Variants in C19orf53 observed in about 807,000 individuals in gnomAD.
C19orf53 encodes leydig cell tumor 10 kDa protein homolog.
In C19orf53, 9 loss-of-function variants were observed where a neutral mutation model predicts 6.5. That is an observed-to-expected ratio of 1.38 (90% CI 0.83 to 2.40). The LOEUF (loss-of-function observed/expected upper bound fraction) is 2.40, where lower values mean the gene tolerates loss of function less well. Among genes scored for constraint, C19orf53 ranks in the 30% most tolerant of loss-of-function variants. C19orf53 has a pLI of 0.00. For missense variants in C19orf53, 166 were observed against 129.7 expected (o/e 1.28, Z -1.36); for synonymous variants, 68 against 52.5 (o/e 1.29, Z -1.27).
chr19:13,774,758 G>C (rs1402706842), intron 2 of C19orf53, 51 bp downstream of exon 2: 31 of 1,558,582 alleles, frequency 2.0e-5, no homozygotes, highest in Non-Finnish European at 2.7e-5. Context: ...AGCGAGGGGT[G>C]GAACCCGGAG....
Position 13,774,481 on chromosome 19 carries a change from G to T in C19orf53, c.4G>T (p.Ala2Ser), listed in dbSNP as rs765333714. The T allele has an allele frequency of 3.1e-6, 5 of 1,604,000 alleles. No homozygotes were observed. In the African/African-American group the frequency reaches 4.0e-5, roughly 13 times the overall value. Residue 2 changes from alanine to serine, a missense_variant, in exon 1 of 3, where the codon GCG becomes TCG. Coordinates refer to ENST00000588234, the MANE Select transcript of C19orf53 (RefSeq NM_014047.3). The part of the protein sequence containing the change: M[A>S]QGQRKFQAHK... ...CTCTTCCGCTGCGTGCCGGACCATGGCGCAGGGGCAGCGCAAGTTTCAGGC... is the reference window on the plus strand; with the variant it reads ...CTCTTCCGCTGCGTGCCGGACCATGTCGCAGGGGCAGCGCAAGTTTCAGGC...
Position 13,778,227 on chromosome 19 carries a change from C to T in C19orf53, c.*29C>T. ...CGCTGGCCCCAGTGCAGGCCAACAT[C>T]CCACCCCCTACCTCCATATGGGACC... On this transcript the variant is annotated 3_prime_UTR_variant, in exon 3 of 3. Transcript: ENST00000588234. 1.9e-6 allele frequency: 3 copies of T among 1,552,660 alleles called. No individual in the cohort carries two copies. The highest frequency in any genetic ancestry group is 2.6e-6 in the Non-Finnish European group (3 of 1,146,054).
chr19:13,774,999 C>T, intron 2 of C19orf53: 2 of 532,756 alleles, frequency 3.8e-6, no homozygotes, highest in East Asian at 5.7e-5. Flanking sequence ...GCACAGGGAT[C>T]GGCAAAGGGC....
intron 2 of C19orf53, among the ~76,000 whole-genome samples, chr19:13,777,309 G>A (rs577670392): frequency 1.6e-3 from 250 of 151,910 alleles, no homozygotes; most frequent in Non-Finnish European, 2.7e-3. Context: ...GTAGTGGAAC[G>A]ATCATAGCTC....
Position 13,778,353 on chromosome 19 carries a change from C to A in C19orf53, c.*155C>A. 1.2e-6 allele frequency: 1 copy of A among 846,792 alleles called. No individual in the cohort carries two copies. The highest frequency in any genetic ancestry group is 1.7e-6 in the Non-Finnish European group (1 of 588,336). The allele number at this position is 846,792 out of a possible 1,614,324, so 52.5% of individuals were successfully genotyped here. A position where few individuals can be genotyped will look rare whatever the true frequency, so the allele number is the denominator to read the frequency against. On this transcript the variant is annotated 3_prime_UTR_variant, in exon 3 of 3. Coordinates refer to ENST00000588234, the MANE Select transcript of C19orf53 (RefSeq NM_014047.3). ...AGTGGGGGCCAAGGGTGCTGAGAACCCAGCAATGACCAGGAAGATACAGTC... is the reference window on the plus strand; with the variant it reads ...AGTGGGGGCCAAGGGTGCTGAGAACACAGCAATGACCAGGAAGATACAGTC...
rs1974388020 is a variant in C19orf53, at chr19:13,778,060, A to T, written c.162A>T (p.Glu54Asp). Residue 54 changes from glutamate (E) to aspartate (D), a missense_variant, in exon 3 of 3, where the codon GAA becomes GAT. Transcript: ENST00000588234. ...VQQQKLKKNL[E>D]VGIRKKIEHD... ...CCGTGCTTCTCCCTCAGAACCTAGA[A>T]GTCGGAATCCGGAAGAAGATCGAAC... 6.2e-7 allele frequency: 1 copy of T among 1,610,156 alleles called. No homozygotes were observed. Among genetic ancestry groups the T allele is most frequent in the East Asian group, 2.2e-5 (1 of 44,686 alleles).
Position 13,774,525 on chromosome 19 carries a change from T to G in C19orf53, c.48T>G (p.Ser16Arg), listed in dbSNP as rs1375064309. The change falls in exon 1 of 3, where the codon AGT becomes AGG. Residue 16 changes from serine to arginine, a missense_variant. Coordinates refer to ENST00000588234, the MANE Select transcript of C19orf53 (RefSeq NM_014047.3). Reference sequence around the variant, plus strand: ...TTCAGGCGCACAAACCCGCAAAGAGTAAGACGGCAGCGGCAGCCTCTGAAA... The same window carrying G: ...TTCAGGCGCACAAACCCGCAAAGAGGAAGACGGCAGCGGCAGCCTCTGAAA... ...RKFQAHKPAK[S>R]KTAAAASEKN... 1.2e-6 allele frequency: 2 copies of G among 1,613,308 alleles called. No homozygotes were observed. Among genetic ancestry groups the G allele is most frequent in the Admixed American group, 3.3e-5 (2 of 59,906 alleles).
chr19:13,776,451 T>A (rs1030435291), intron 2 of C19orf53, among the ~76,000 whole-genome samples: 1 of 151,566 alleles, frequency 6.6e-6, no homozygotes, highest in African/African-American at 2.4e-5. Flanking sequence ...AGCACCTGAG[T>A]CGGTTCCCTC....
rs1378293630 is a variant in C19orf53, at chr19:13,778,181, T to C, written c.283T>C (p.Ser95Pro). The C allele has an allele frequency of 4.4e-6, 7 of 1,606,554 alleles. No homozygotes were observed. In the South Asian group the frequency reaches 7.7e-5, roughly 18 times the overall value. Residue 95 changes from serine to proline, a missense_variant, in exon 3 of 3, where the codon TCC (serine) becomes CCC (proline). Physicochemically the swap from Ser to Pro is moderately conservative, Grantham distance 74. Coordinates refer to ENST00000588234, the MANE Select transcript of C19orf53 (RefSeq NM_014047.3). Reference sequence around the variant, plus strand: ...GAAAGGGGCAGCTGCCGCCACCTCCTCCAAGACACCTTCCTGAGGACGCTG... The same window carrying C: ...GAAAGGGGCAGCTGCCGCCACCTCCCCCAAGACACCTTCCTGAGGACGCTG... ...KKKGAAAATSSKTPS is the reference protein window; with the variant it reads ...KKKGAAAATSPKTPS
Position 13,778,313 on chromosome 19 carries a change from T to G in C19orf53, c.*115T>G. 1.2e-5 allele frequency: 16 copies of G among 1,308,796 alleles called. No individual in the cohort carries two copies. Among genetic ancestry groups the G allele is most frequent in the Non-Finnish European group, 1.6e-5 (16 of 991,952 alleles). The allele number at this position is 1,308,796 out of a possible 1,614,324, so 81.1% of individuals were successfully genotyped here. On this transcript the variant is annotated 3_prime_UTR_variant, in exon 3 of 3. Transcript: ENST00000588234. ...AGGACCCTGTCCCCCAGCACTGGGCTTCACCTAGAACTTCAGTGGGGGCCA... is the reference window on the plus strand; with the variant it reads ...AGGACCCTGTCCCCCAGCACTGGGCGTCACCTAGAACTTCAGTGGGGGCCA...
rs1463075866 is a variant in C19orf53, at chr19:13,774,555, T to G, written c.78T>G (p.Asn26Lys). ...CGGCAGCGGCAGCCTCTGAAAAGAA[T>G]CGGGGCCCAAGAAAAGGCGGTAAGG... is the stretch of plus-strand genomic sequence containing the variant. ...SKTAAAASEK[N>K]RGPRKGGRVI... Residue 26 changes from asparagine to lysine, a missense_variant, in exon 1 of 3, where the codon AAT becomes AAG. Transcript: ENST00000588234. The G allele has an allele frequency of 6.2e-7, 1 of 1,613,896 alleles. No individual in the cohort carries two copies. The highest frequency in any genetic ancestry group is 8.5e-7 in the Non-Finnish European group (1 of 1,179,886).
Position 13,778,541 on chromosome 19 carries a change from A to G in C19orf53, c.*343A>G, listed in dbSNP as rs1458781623. On this transcript the variant is annotated 3_prime_UTR_variant, in exon 3 of 3. Transcript: ENST00000588234. ...TGAGTGACGTGGCCTGGCGTGCTCCACCCCACCCCACCGCCTTTAGCAACC... is the reference window on the plus strand; with the variant it reads ...TGAGTGACGTGGCCTGGCGTGCTCCGCCCCACCCCACCGCCTTTAGCAACC... 3 of 181,306 alleles carry G rather than the reference A, an allele frequency of 1.7e-5. No homozygotes were observed. Among genetic ancestry groups the G allele is most frequent in the African/African-American group, 7.1e-5 (3 of 42,480 alleles). The allele number at this position is 181,306 out of a possible 1,614,324, so 11.2% of individuals were successfully genotyped here.
Position 13,778,695 on chromosome 19 carries a change from A to G in C19orf53, c.*497A>G, listed in dbSNP as rs1287073311. 6.6e-6 allele frequency among the ~76,000 whole-genome samples: 1 copy of G among 152,210 alleles called. No homozygotes were observed. The highest frequency in any genetic ancestry group is 1.5e-5 in the Non-Finnish European group (1 of 68,034). Reference sequence around the variant, plus strand: ...AGTCCTCACCCCTGGGGACACAACCAGAGTCAAGCTGGACATCAGTAGGTC... The same window carrying G: ...AGTCCTCACCCCTGGGGACACAACCGGAGTCAAGCTGGACATCAGTAGGTC... On this transcript the variant is annotated 3_prime_UTR_variant, in exon 3 of 3. Transcript: ENST00000588234.
rs12979573 is a variant in C19orf53 at position 13,776,952 on chromosome 19, T to G, written c.154-1100T>G. On this transcript the variant is annotated intron_variant, in intron 2 of 2. Transcript: ENST00000588234. Reference sequence around the variant, plus strand: ...ATCGTGGTCATTGGAACTGTTTTTGTTTTTTGTTTTTGTTTTGAGATAGAG... The same window carrying G: ...ATCGTGGTCATTGGAACTGTTTTTGGTTTTTGTTTTTGTTTTGAGATAGAG... Among the ~76,000 whole-genome samples the G allele has an allele frequency of 2.6e-5, 4 of 152,288 alleles. No homozygotes were observed. The East Asian group carries it at 7.7e-4, about 29-fold the overall frequency.
chr19:13,776,225 G>A (rs369851628), intron 2 of C19orf53, among the ~76,000 whole-genome samples: 2 of 137,438 alleles, frequency 1.5e-5, no homozygotes, highest in African/African-American at 2.7e-5. Flanking sequence ...TGATCTACCC[G>A]CCTCGGCCTC....
In C19orf53 at chr19:13,778,349, G is replaced by T; in HGVS notation, c.*151G>T. ...CTTCAGTGGGGGCCAAGGGTGCTGA[G>T]AACCCAGCAATGACCAGGAAGATAC... is the stretch of plus-strand genomic sequence containing the variant. On this transcript the variant is annotated 3_prime_UTR_variant, in exon 3 of 3. Transcript: ENST00000588234. 1 of 954,646 alleles carries T rather than the reference G, an allele frequency of 1.0e-6. No homozygotes were observed. Among genetic ancestry groups the T allele is most frequent in the African/African-American group, 1.7e-5 (1 of 59,748 alleles). The allele number at this position is 954,646 out of a possible 1,614,324, so 59.1% of individuals were successfully genotyped here.
rs533693657 is a variant in C19orf53, at chr19:13,776,200, G to A, written c.153+1493G>A. 1.9e-4 allele frequency among the ~76,000 whole-genome samples: 26 copies of A among 135,870 alleles called. No homozygotes were observed. The East Asian group carries it at 5.1e-3, about 27-fold the overall frequency. The allele number at this position is 135,870 out of a possible 152,430, so 89.1% of individuals were successfully genotyped here. On this transcript the variant is annotated intron_variant, in intron 2 of 2. Transcript: ENST00000588234. ...TCACTATGTTGGCCAGGCTGGTCTCGAACTCCTGACCTCATGATCTACCCG... is the reference window on the plus strand; with the variant it reads ...TCACTATGTTGGCCAGGCTGGTCTCAAACTCCTGACCTCATGATCTACCCG...
intron 2 of C19orf53, chr19:13,775,699 A>C (rs1292127321): frequency 6.6e-6 from 1 of 152,246 alleles, no homozygotes; most frequent in Non-Finnish European, 1.5e-5. Context: ...TGTACTCCAC[A>C]GTAAACAGCC....
intron 2 of C19orf53, among the ~76,000 whole-genome samples, chr19:13,777,807 C>G (rs1288630658): frequency 6.6e-6 from 1 of 152,194 alleles, no homozygotes; most frequent in Non-Finnish European, 1.5e-5. Context: ...GACTGTTTCC[C>G]CATCCATAAA....
Sources: gnomAD v4.1 joint callset for allele counts (sites outside exome capture counted in the v4.1 genomes callset) on GRCh38, gnomAD v4.1.1 for gene constraint, MANE v1.5 for transcripts, NCBI Gene and HGNC (gene_info 2026-07-23, HGNC 2026-07-21) for gene names.